The following CPNE4 variants were observed in gnomAD, a reference collection of about 807,000 sequenced individuals.
The protein encoded by CPNE4 is copine 4.
Under a neutral mutation model 67.9 loss-of-function variants are expected in CPNE4, and 25 were observed. That is an observed-to-expected ratio of 0.37 (90% CI 0.27 to 0.51). CPNE4 has a LOEUF of 0.51. CPNE4 is among the 20% of genes least tolerant of loss of function. CPNE4 has a pLI of 0.93. For missense variants in CPNE4, 464 were observed against 690.8 expected (o/e 0.67, Z 3.68); for synonymous variants, 242 against 244.9 (o/e 0.99, Z 0.11).
chr3:131,915,956 G>A (rs1383285795), intron 1 of CPNE4, among the ~76,000 whole-genome samples: 2 of 152,166 alleles, frequency 1.3e-5, no homozygotes, highest in African/African-American at 4.8e-5. Context: ...ATCTTCAGGA[G>A]AAGAATTTAA....
chr3:132,001,433 A>C (rs2073428407), intron 1 of CPNE4, among the ~76,000 whole-genome samples: 1 of 151,938 alleles, frequency 6.6e-6, no homozygotes. Context: ...GGCTGGCTAC[A>C]AATGGACCAT....
rs532515319 is a variant in CPNE4 at position 131,566,436 on chromosome 3, A to G, written c.928-2087T>C. 9.9e-5 allele frequency among the ~76,000 whole-genome samples: 15 copies of G among 151,922 alleles called. No individual in the cohort carries two copies. In the East Asian group the frequency reaches 2.9e-3, roughly 30 times the overall value. On this transcript the variant is annotated intron_variant, in intron 10 of 15. Coordinates refer to ENST00000429747, the MANE Select transcript of CPNE4 (RefSeq NM_130808.3). ...GGTGAGAGCCAACCCACCAGGAAAA[A>G]AAAAAAAAAGTAAGACCATAGGTGA...
chr3:131,916,139 C>CT (rs2089173062), intron 1 of CPNE4, among the ~76,000 whole-genome samples: 1 of 152,104 alleles, frequency 6.6e-6, no homozygotes, highest in Admixed American at 6.6e-5. Context: ...AAAAAGCAAA[C>CT]TTAAATAATG....
chr3:131,549,893 A>G (rs1179607406), intron 14 of CPNE4, 54 bp downstream of exon 14: 6 of 1,599,930 alleles, frequency 3.8e-6, no homozygotes, highest in Non-Finnish European at 5.1e-6. Context: ...TACGGCCAAT[A>G]TCCAGGTGAG....
At chr3:131,684,955 T>C (rs1245758857) in intron 6 of CPNE4, among the ~76,000 whole-genome samples, 1 of 152,182 alleles carries the variant, frequency 6.6e-6, no homozygotes, top group Non-Finnish European at 1.5e-5. Flanking sequence ...GAGATACAAC[T>C]AGACTAAGTG....
At chr3:132,023,591 C>T (rs113316416) in intron 1 of CPNE4, among the ~76,000 whole-genome samples, 17,033 of 145,792 alleles carry the variant, frequency 0.12, 1,072 homozygotes, top group African/African-American at 0.14. Context: ...GGGTTCACGC[C>T]ATTCTCCTGC....
chr3:131,957,938 G>A (rs901764430), intron 1 of CPNE4, among the ~76,000 whole-genome samples: 1 of 152,150 alleles, frequency 6.6e-6, no homozygotes, highest in Admixed American at 6.5e-5. Context: ...TTTTTGGTTG[G>A]GGGGAGAAGG....
At chr3:131,794,624 C>T (rs921121331) in intron 2 of CPNE4, among the ~76,000 whole-genome samples, 2 of 152,178 alleles carry the variant, frequency 1.3e-5, no homozygotes, top group African/African-American at 4.8e-5. Flanking sequence ...GATATCCAAG[C>T]CCAATTTTGC....
At chr3:131,616,909 A>G (rs1468986759) in intron 7 of CPNE4, among the ~76,000 whole-genome samples, 1 of 152,184 alleles carries the variant, frequency 6.6e-6, no homozygotes, top group Non-Finnish European at 1.5e-5. Context: ...CAATCCCTGT[A>G]AGGCTTTGGC....
chr3:131,631,369 T>C (rs2079217024), intron 7 of CPNE4, among the ~76,000 whole-genome samples: 1 of 152,204 alleles, frequency 6.6e-6, no homozygotes, highest in Admixed American at 6.5e-5. Flanking sequence ...GTTTTGTATA[T>C]AGTAGTTTTA....
intron 2 of CPNE4, among the ~76,000 whole-genome samples, chr3:131,840,855 G>A (rs2085751382): frequency 6.6e-6 from 1 of 152,144 alleles, no homozygotes; most frequent in Admixed American, 6.6e-5. Context: ...CACCTGCTGT[G>A]TCATCTTCTT....
chr3:131,658,165 GGCTTAT>G (rs201333898), intron 7 of CPNE4, among the ~76,000 whole-genome samples: 1,783 of 152,082 alleles, frequency 0.012, 42 homozygotes, highest in African/African-American at 0.041. Flanking sequence ...TTGGCCTCCT[GGCTTAT>G]GCATCTGCCT....
At chr3:131,854,355 T>C (rs2086355138) in intron 2 of CPNE4, among the ~76,000 whole-genome samples, 1 of 151,818 alleles carries the variant, frequency 6.6e-6, no homozygotes, top group African/African-American at 2.4e-5. Context: ...GTCATCTTCT[T>C]GAGGAAGAAG....
At chr3:131,541,210 A>G in intron 15 of CPNE4, among the ~76,000 whole-genome samples, 1 of 152,182 alleles carries the variant, frequency 6.6e-6, no homozygotes, top group Admixed American at 6.5e-5. Flanking sequence ...AGGATACTCT[A>G]GAGGGGTCTT....
chr3:131,737,878 CTTAT>C (rs1186571248), intron 2 of CPNE4, among the ~76,000 whole-genome samples: 4 of 152,074 alleles, frequency 2.6e-5, no homozygotes, highest in East Asian at 3.9e-4. Context: ...TTTAAAATGT[CTTAT>C]TTATTCATCT....
intron 2 of CPNE4, among the ~76,000 whole-genome samples, chr3:131,827,939 C>A (rs2085226728): frequency 6.6e-6 from 1 of 151,946 alleles, no homozygotes; most frequent in Non-Finnish European, 1.5e-5. Flanking sequence ...GCATTATGCT[C>A]TTCACAAAGA....
chr3:131,958,866 G>T (rs1425976413), intron 1 of CPNE4, among the ~76,000 whole-genome samples: 4 of 150,478 alleles, frequency 2.7e-5, no homozygotes, highest in Admixed American at 2.0e-4. Flanking sequence ...CACCATGTTG[G>T]CCAGTCCGGT....
intron 6 of CPNE4, among the ~76,000 whole-genome samples, chr3:131,675,503 G>A (rs2080532403): frequency 6.6e-6 from 1 of 152,064 alleles, no homozygotes; most frequent in Non-Finnish European, 1.5e-5. Context: ...AGTATTGGGT[G>A]CACATGTATT....
At chr3:131,814,592 T>A (rs2084660870) in intron 2 of CPNE4, among the ~76,000 whole-genome samples, 1 of 52,398 alleles carries the variant, frequency 1.9e-5, no homozygotes, top group Non-Finnish European at 3.4e-5. Flanking sequence ...TTTTTTTTTT[T>A]TTTTTTTTTT....
Sources: gnomAD v4.1 joint callset for allele counts (sites outside exome capture counted in the v4.1 genomes callset) on GRCh38, gnomAD v4.1.1 for gene constraint, MANE v1.5 for transcripts, NCBI Gene and HGNC (gene_info 2026-07-23, HGNC 2026-07-21) for gene names.